CTTN: variants seen among roughly 807,000 people sequenced by gnomAD.
CTTN encodes the protein src substrate cortactin.
In CTTN, 28 loss-of-function variants were observed where a neutral mutation model predicts 84.0. That is an observed-to-expected ratio of 0.33 (90% CI 0.25 to 0.46). CTTN has a LOEUF of 0.46. CTTN is among the 20% of genes least tolerant of loss of function. The pLI, the probability that CTTN is intolerant of heterozygous loss-of-function variation, is 1.00. For synonymous variants in CTTN, 301 were observed against 288.8 expected (o/e 1.04, Z -0.43); for missense variants, 641 against 723.8 (o/e 0.89, Z 1.31).
chr11:70,399,922 C>T (rs1591425705), intron 1 of CTTN, among the ~76,000 whole-genome samples: 1 of 152,126 alleles, frequency 6.6e-6, no homozygotes, highest in South Asian at 2.1e-4. Context: ...AAGGCCGTGG[C>T]GCAGGAGGGG....
At chr11:70,403,337 C>A (rs903796429) in intron 1 of CTTN, among the ~76,000 whole-genome samples, 1 of 151,628 alleles carries the variant, frequency 6.6e-6, no homozygotes, top group Non-Finnish European at 1.5e-5. Flanking sequence ...TACAGGCATG[C>A]GTCACCACGC....
chr11:70,416,412 C>T (rs541668565), intron 7 of CTTN, among the ~76,000 whole-genome samples: 173 of 151,940 alleles, frequency 1.1e-3, no homozygotes, highest in African/African-American at 4.1e-3. Flanking sequence ...CTTTCTCTTT[C>T]CATTTTTTTC....
In CTTN at chr11:70,407,558, C is replaced by T. The variant is rs1344792019; in HGVS notation, c.128C>T (p.Thr43Met). The change falls in exon 4 of 18, where the codon ACG becomes ATG. Residue 43 changes from threonine (T) to methionine (M), a missense_variant. Thr to Met is a moderately conservative substitution (Grantham distance 81). Coordinates refer to ENST00000301843, the MANE Select transcript of CTTN (RefSeq NM_005231.4). ...AAGGAGCAAAGATGGGGTGCCAAGA[C>T]GGTGCAGGGCTCCGGGCACCAGGAG... ...SEKEQRWGAK[T>M]VQGSGHQEHI... is the part of the protein sequence containing the mutation. 8 of 1,612,794 alleles carry T rather than the reference C, an allele frequency of 5.0e-6. No individual in the cohort carries two copies. Among genetic ancestry groups the T allele is most frequent in the Admixed American group, 3.3e-5 (2 of 59,936 alleles).
At chr11:70,420,009 A>G in intron 9 of CTTN, 153 bp downstream of exon 9, 1 of 646,074 alleles carries the variant, frequency 1.5e-6, no homozygotes, top group Non-Finnish European at 2.7e-6. Flanking sequence ...GCACATCCAG[A>G]AACACAGCTG....
chr11:70,405,628 C>T (rs2058033222), intron 2 of CTTN, among the ~76,000 whole-genome samples: 1 of 152,214 alleles, frequency 6.6e-6, no homozygotes, highest in South Asian at 2.1e-4. Flanking sequence ...CCCTTCCCCA[C>T]CCCATGAACA....
At position 70,435,253 on chromosome 11, in the gene CTTN, G is replaced by GTTTTTT. The variant is rs370623790; in HGVS notation, c.*111_*116dup. 427 of 938,368 alleles carry GTTTTTT rather than the reference G, an allele frequency of 4.6e-4. 1 individual carries two copies. The highest frequency in any genetic ancestry group is 1.7e-3 in the South Asian group (63 of 37,280). 58.1% of individuals were successfully genotyped at this position (938,368 alleles called of 1,614,324 possible). A position where few individuals can be genotyped will look rare whatever the true frequency, so the allele number is the denominator to read the frequency against. The stretch of plus-strand genomic sequence containing the variant: ...TCTTGGGTGGTTTTGGGTTTTTTCT[G>GTTTTTT]TTTTTTTTTTTTTTTTTTTTTTTTT... On this transcript the variant is annotated 3_prime_UTR_variant, in exon 18 of 18. Coordinates refer to ENST00000301843, the MANE Select transcript of CTTN (RefSeq NM_005231.4).
Position 70,419,114 on chromosome 11 carries a change from CTT to C in CTTN, c.569-620_569-619del, listed in dbSNP as rs66642909. ...AAAAAAAAAACTTTTTTTCTTAATT[CTT>C]TTTTTTTTTTTGAGATGGAGTTTCA... On this transcript the variant is annotated intron_variant, in intron 8 of 17. Coordinates refer to ENST00000301843, the MANE Select transcript of CTTN (RefSeq NM_005231.4). Among the ~76,000 whole-genome samples, 87 of 138,910 alleles carry C rather than the reference CTT, an allele frequency of 6.3e-4. 1 individual carries two copies. The highest frequency in any genetic ancestry group is 3.1e-3 in the Admixed American group (43 of 14,066). 91.1% of individuals were successfully genotyped at this position (138,910 alleles called of 152,430 possible). A position where few individuals can be genotyped will look rare whatever the true frequency, so the allele number is the denominator to read the frequency against.
intron 12 of CTTN, among the ~76,000 whole-genome samples, chr11:70,424,488 G>A (rs568279455): frequency 2.6e-5 from 4 of 152,182 alleles, no homozygotes; most frequent in South Asian, 4.1e-4. Flanking sequence ...GTAACTGCCC[G>A]GGTCCCCATA....
chr11:70,401,768 A>G (rs577611187), intron 1 of CTTN, among the ~76,000 whole-genome samples: 1 of 151,820 alleles, frequency 6.6e-6, no homozygotes, highest in East Asian at 1.9e-4. Context: ...TGGGACACAG[A>G]GGTTGCAGTG....
At chr11:70,414,487 T>A in intron 5 of CTTN, 55 bp from the exon 6 acceptor site, 1 of 1,319,218 alleles carries the variant, frequency 7.6e-7, no homozygotes, top group South Asian at 1.2e-5. Flanking sequence ...TGGGAGGAAG[T>A]GAAGCGCCGC....
rs951948595 is a variant in CTTN at position 70,419,297 on chromosome 11, A to G, written c.569-449A>G. On this transcript the variant is annotated intron_variant, in intron 8 of 17. Coordinates refer to ENST00000301843, the MANE Select transcript of CTTN (RefSeq NM_005231.4). ...AGCTAATTTTGTATTTTTAGTAGAG[A>G]TGGGGTTTCATAATGTTGGTCAGGC... Among the ~76,000 whole-genome samples the G allele has an allele frequency of 5.3e-5, 8 of 151,602 alleles. No homozygotes were observed. The East Asian group carries it at 1.6e-3, about 30-fold the overall frequency.
intron 15 of CTTN, among the ~76,000 whole-genome samples, chr11:70,431,592 C>T (rs1229997002): frequency 6.6e-6 from 1 of 152,122 alleles, no homozygotes; most frequent in African/African-American, 2.4e-5. Flanking sequence ...ATGGGGGTGT[C>T]TTCACCCCAC....
chr11:70,435,710 T>C lies in CTTN; in HGVS notation c.*548T>C. The C allele has an allele frequency of 6.3e-7, 1 of 1,598,002 alleles. No homozygotes were observed. On this transcript the variant is annotated 3_prime_UTR_variant, in exon 18 of 18. Transcript: ENST00000301843. ...GAGCTGCCATGTCAGATGGGAAATC[T>C]GCCTATGTCATACCGTGACAGCCCG...
In CTTN at chr11:70,435,091, G is replaced by T; in HGVS notation, c.1582G>T (p.Gly528Cys). Residue 528 changes from glycine to cysteine, a missense_variant, in exon 18 of 18, where the codon GGC becomes TGC. Gly to Cys is a radical substitution (Grantham distance 159). This residue lies in a region of CTTN where 68 missense variants were observed against 102.2 expected (regional missense o/e 0.67). Transcript: ENST00000301843. ...CACCAACATCGAGATGATTGACGAC[G>T]GCTGGTGGCGCGGGGTGTGCAAGGG... ...IITNIEMIDD[G>C]WWRGVCKGRY... The T allele has an allele frequency of 6.2e-7, 1 of 1,614,012 alleles. No homozygotes were observed. Among genetic ancestry groups the T allele is most frequent in the Non-Finnish European group, 8.5e-7 (1 of 1,180,028 alleles).
intron 1 of CTTN, among the ~76,000 whole-genome samples, chr11:70,402,235 T>A (rs2057994849): frequency 6.6e-6 from 1 of 152,248 alleles, no homozygotes; most frequent in Non-Finnish European, 1.5e-5. Context: ...CAATCTTGAT[T>A]TGTACACTGA....
At chr11:70,434,997 A>C in intron 17 of CTTN, 29 bp from the exon 18 acceptor site, 2 of 1,612,366 alleles carry the variant, frequency 1.2e-6, no homozygotes, top group Non-Finnish European at 1.7e-6. Flanking sequence ...CTTGCACTTC[A>C]GCATCTTTCT....
intron 12 of CTTN, among the ~76,000 whole-genome samples, chr11:70,425,002 T>C (rs547710290): frequency 1.6e-4 from 25 of 152,226 alleles, no homozygotes; most frequent in African/African-American, 6.0e-4. Flanking sequence ...CCCCAGCGTC[T>C]TCGCTTCCTG....
In CTTN at chr11:70,431,247, C is replaced by T. The variant is rs775240756; in HGVS notation, c.1233C>T (p.Thr411=). The T allele has an allele frequency of 1.4e-5, 22 of 1,614,050 alleles. No individual in the cohort carries two copies. The highest frequency in any genetic ancestry group is 3.3e-5 in the South Asian group (3 of 91,082). The part of the protein sequence containing the change: ...TPPVSPAPQP[T]EERLPSSPVY... Reference sequence around the variant, plus strand: ...CTGTGTCGCCCGCACCTCAGCCAACCGAGGAGAGGCTGCCCTCGAGCCCCG... The same window carrying T: ...CTGTGTCGCCCGCACCTCAGCCAACTGAGGAGAGGCTGCCCTCGAGCCCCG... Residue 411 remains threonine, a synonymous_variant, in exon 15 of 18, where the codon ACC becomes ACT. Transcript: ENST00000301843.
chr11:70,431,320 C>G (rs773240950), intron 15 of CTTN, 40 bp downstream of exon 15: 3 of 1,592,428 alleles, frequency 1.9e-6, no homozygotes, highest in Non-Finnish European at 2.6e-6. Flanking sequence ...GAGTGACTTA[C>G]TGCCAGAGCC....
Sources: gnomAD v4.1 joint callset for allele counts (sites outside exome capture counted in the v4.1 genomes callset) on GRCh38, gnomAD v4.1.1 for gene constraint, gnomAD v4.1.1 regional missense constraint, MANE v1.5 for transcripts, NCBI Gene and HGNC (gene_info 2026-07-23, HGNC 2026-07-21) for gene names.